Variants in TMPRSS3 observed in about 807,000 individuals in gnomAD.
TMPRSS3 encodes the protein transmembrane protease serine 3.
In TMPRSS3, 55 loss-of-function variants were observed where a neutral mutation model predicts 59.6. The ratio of observed to expected loss-of-function variants is 0.92; its 90% confidence interval spans 0.74 to 1.16. The LOEUF (loss-of-function observed/expected upper bound fraction) is 1.16, where lower values mean the gene tolerates loss of function less well. Among genes scored for constraint, TMPRSS3 ranks in the 50% most tolerant of loss-of-function variants. TMPRSS3 has a pLI of 0.00. For missense variants in TMPRSS3, 596 were observed against 579.4 expected (o/e 1.03, Z -0.29); for synonymous variants, 257 against 237.7 (o/e 1.08, Z -0.75).
chr21:42,373,618 G>C (rs2052371787), intron 12 of TMPRSS3, among the ~76,000 whole-genome samples: 1 of 152,222 alleles, frequency 6.6e-6, no homozygotes, highest in African/African-American at 2.4e-5. Flanking sequence ...CAAACATCCT[G>C]AGAGAGGCTT....
At chr21:42,381,954 A>G (rs747849504) in intron 9 of TMPRSS3, 111 bp downstream of exon 9, 15 of 1,363,862 alleles carry the variant, frequency 1.1e-5, no homozygotes, top group Non-Finnish European at 1.5e-5. Flanking sequence ...GGAATTATTA[A>G]TATCTGACAA....
chr21:42,388,992 C>G lies in TMPRSS3; in HGVS notation c.259G>C (p.Glu87Gln). The change falls in exon 4 of 13, where the codon GAG becomes CAG. Residue 87 changes from glutamate to glutamine, a missense_variant. By Grantham distance (29) the Glu-to-Gln change is conservative. Transcript: ENST00000644384. This position sits in a 1 kb window ranked among gnomAD's most constrained non-coding sequence, Gnocchi z 5.1. ...YRCRSSFKCIELIARCDGVSD... is the reference protein window; with the variant it reads ...YRCRSSFKCIQLIARCDGVSD... ...ACTCCGTCACATCGAGCTATCAGCTCGATACACTTAAAGGATGAGCGACAT... is the reference window on the plus strand; with the variant it reads ...ACTCCGTCACATCGAGCTATCAGCTGGATACACTTAAAGGATGAGCGACAT... 1.2e-6 allele frequency: 2 copies of G among 1,614,170 alleles called. No homozygotes were observed. Among genetic ancestry groups the G allele is most frequent in the Non-Finnish European group, 1.7e-6 (2 of 1,180,042 alleles).
At position 42,380,141 on chromosome 21, in the gene TMPRSS3, C is replaced by G. The variant is rs1436349589; in HGVS notation, c.1024G>C (p.Gly342Arg). 1 of 1,614,208 alleles carries G rather than the reference C, an allele frequency of 6.2e-7. No homozygotes were observed. Among genetic ancestry groups the G allele is most frequent in the Admixed American group, 1.7e-5 (1 of 60,022 alleles). ...CCTCCATCCTCTGTGGCCCCCCATC[C>G]TGACGTCCAGCACACTTTTCCATCG... ...FPDGKVCWTS[G>R]WGATEDGGDA... Residue 342 changes from glycine (G) to arginine (R), a missense_variant, in exon 10 of 13, where the codon GGA becomes CGA. Gly to Arg is a moderately radical substitution (Grantham distance 125, BLOSUM62 -2). Coordinates refer to ENST00000644384, the MANE Select transcript of TMPRSS3 (RefSeq NM_001256317.3).
At chr21:42,395,287 G>A (rs377110536) in intron 2 of TMPRSS3, 37 bp downstream of exon 2, 4 of 1,559,684 alleles carry the variant, frequency 2.6e-6, no homozygotes, top group Non-Finnish European at 3.5e-6. Context: ...TGAGGGTATG[G>A]GCAGAAATCA....
chr21:42,389,577 G>C (rs916852479), intron 3 of TMPRSS3, among the ~76,000 whole-genome samples: 3 of 152,238 alleles, frequency 2.0e-5, no homozygotes, highest in Admixed American at 6.5e-5. Flanking sequence ...AAAACAGCTG[G>C]TGCGCCTGCA....
At chr21:42,389,449 G>A (rs147676106) in intron 3 of TMPRSS3, among the ~76,000 whole-genome samples, 1 of 152,340 alleles carries the variant, frequency 6.6e-6, no homozygotes, top group Non-Finnish European at 1.5e-5. Flanking sequence ...CACACAGTGG[G>A]GCAGGTGGCG....
intron 5 of TMPRSS3, among the ~76,000 whole-genome samples, chr21:42,386,296 C>G (rs1181188063): frequency 2.7e-5 from 4 of 150,934 alleles, no homozygotes; most frequent in African/African-American, 9.9e-5. Flanking sequence ...CTTCAGCTTA[C>G]TGTAAATGCT....
chr21:42,376,784 G>A (rs1038745428), intron 10 of TMPRSS3, 101 bp from the exon 11 acceptor site: 15 of 1,560,472 alleles, frequency 9.6e-6, no homozygotes, highest in Admixed American at 1.7e-5. Context: ...CGAGGGACGA[G>A]GGGGATGCTC....
chr21:42,395,274 A>G, intron 2 of TMPRSS3, 50 bp downstream of exon 2: 1 of 1,498,006 alleles, frequency 6.7e-7, no homozygotes. Flanking sequence ...TTGGTCACCT[A>G]CATGAGGGTA....
At position 42,376,672 on chromosome 21, in the gene TMPRSS3, G is replaced by A; in HGVS notation, c.1060C>T (p.Pro354Ser). Reference sequence around the variant, plus strand: ...GGGACGGCCGCGTGGTTCAGGACAGGGGAGGCGTCACCTGCTTCAAAGTGA... The same window carrying A: ...GGGACGGCCGCGTGGTTCAGGACAGAGGAGGCGTCACCTGCTTCAAAGTGA... Reference protein sequence around the residue: ...GATEDGGDASPVLNHAAVPLI... With the variant: ...GATEDGGDASSVLNHAAVPLI... The change falls in exon 11 of 13, where the codon CCT (proline) becomes TCT (serine). Residue 354 changes from proline (P) to serine (S), a missense_variant. By Grantham distance (74) the Pro-to-Ser change is moderately conservative (BLOSUM62 -1). Transcript: ENST00000644384. The A allele has an allele frequency of 1.2e-6, 2 of 1,614,100 alleles. No individual in the cohort carries two copies. Among genetic ancestry groups the A allele is most frequent in the East Asian group, 2.2e-5 (1 of 44,886 alleles).
rs577160419 is a variant in TMPRSS3 at position 42,376,703 on chromosome 21, G to C, written c.1049-20C>G. 9.7e-5 allele frequency: 157 copies of C among 1,613,772 alleles called. 4 individuals are homozygous for C. The South Asian group carries it at 1.6e-3, about 17-fold the overall frequency. On this transcript the variant is annotated intron_variant, in intron 10 of 12. Transcript: ENST00000644384. ...CGTCACCTGCTTCAAAGTGAGTGAG[G>C]GGATGTGTGTGAGAAGGAAGCCCGG...
Position 42,385,390 on chromosome 21 carries a change from G to A in TMPRSS3, c.572+19C>T, listed in dbSNP as rs1179779907. 1 of 1,613,496 alleles carries A rather than the reference G, an allele frequency of 6.2e-7. No homozygotes were observed. The highest frequency in any genetic ancestry group is 8.5e-7 in the Non-Finnish European group (1 of 1,179,808). On this transcript the variant is annotated intron_variant, in intron 6 of 12. Coordinates refer to ENST00000644384, the MANE Select transcript of TMPRSS3 (RefSeq NM_001256317.3). ...TGACTCGATACCTGTGCAGACAACA[G>A]CATCGCCTGACCACCTACCTCACAT...
chr21:42,395,963 T>G lies in TMPRSS3; in HGVS notation c.-73A>C. ...TCACATAATTCCCGAGTCCCAAAAA[T>G]GTAGATGGCACCACGGAAGAGATAG... On this transcript the variant is annotated 5_prime_UTR_variant, in exon 1 of 13. Transcript: ENST00000644384. 1 of 518,998 alleles carries G rather than the reference T, an allele frequency of 1.9e-6. No homozygotes were observed. The highest frequency in any genetic ancestry group is 3.8e-6 in the Non-Finnish European group (1 of 259,882). 32.1% of individuals were successfully genotyped at this position (518,998 alleles called of 1,614,324 possible). A position where few individuals can be genotyped will look rare whatever the true frequency, so the allele number is the denominator to read the frequency against.
rs2052539316 is a variant in TMPRSS3, at chr21:42,382,056, C to A, written c.952+9G>T. 6 of 1,614,194 alleles carry A rather than the reference C, an allele frequency of 3.7e-6. No individual in the cohort carries two copies. The East Asian group carries it at 1.3e-4, about 36-fold the overall frequency. Reference sequence around the variant, plus strand: ...AGAGCTGCAGAACCACATAGAGACCCAGATGTACCATTGAACGTGAGTGGC... The same window carrying A: ...AGAGCTGCAGAACCACATAGAGACCAAGATGTACCATTGAACGTGAGTGGC... On this transcript the variant is annotated intron_variant, in intron 9 of 12. Transcript: ENST00000644384.
rs2052682131 is a variant in TMPRSS3 at position 42,388,847 on chromosome 21, G to A, written c.322+82C>T. 6 of 1,244,546 alleles carry A rather than the reference G, an allele frequency of 4.8e-6. No homozygotes were observed. The East Asian group carries it at 1.2e-4, about 24-fold the overall frequency. 77.1% of individuals were successfully genotyped at this position (1,244,546 alleles called of 1,614,324 possible). On this transcript the variant is annotated intron_variant, in intron 4 of 12. Coordinates refer to ENST00000644384, the MANE Select transcript of TMPRSS3 (RefSeq NM_001256317.3). The surrounding 1 kb of genome is among the most constrained non-coding windows in gnomAD (Gnocchi z 5.1). Reference sequence around the variant, plus strand: ...ATGACCTAAAAATGGCAATGACTTGGACCCATTTTACAGATGGGAAGGGTC... The same window carrying A: ...ATGACCTAAAAATGGCAATGACTTGAACCCATTTTACAGATGGGAAGGGTC...
chr21:42,381,253 G>A (rs141378673), intron 9 of TMPRSS3, among the ~76,000 whole-genome samples: 42 of 152,262 alleles, frequency 2.8e-4, no homozygotes, highest in Non-Finnish European at 4.3e-4. Context: ...TGGCATTTTC[G>A]TAATGTCCAG....
intron 11 of TMPRSS3, 60 bp from the exon 12 acceptor site, chr21:42,375,928 C>T: frequency 1.2e-6 from 2 of 1,604,500 alleles, no homozygotes; most frequent in Non-Finnish European, 1.7e-6. Flanking sequence ...AGATTGCTTT[C>T]TGTGGACAGT....
chr21:42,376,687 C>T lies in TMPRSS3; in HGVS notation c.1049-4G>A, dbSNP rs1016968797. ...TTCAGGACAGGGGAGGCGTCACCTG[C>T]TTCAAAGTGAGTGAGGGGATGTGTG... On this transcript the variant is annotated splice_region_variant and splice_polypyrimidine_tract_variant and intron_variant, in intron 10 of 12. Transcript: ENST00000644384. 11 of 1,613,828 alleles carry T rather than the reference C, an allele frequency of 6.8e-6. No individual in the cohort carries two copies. In the Admixed American group the frequency reaches 1.5e-4, roughly 22 times the overall value.
At chr21:42,374,606 G>A (rs2052389044) in intron 12 of TMPRSS3, among the ~76,000 whole-genome samples, 1 of 152,196 alleles carries the variant, frequency 6.6e-6, no homozygotes, top group Non-Finnish European at 1.5e-5. Flanking sequence ...GTAACTGCGT[G>A]CTTCTAGGGT....
Sources: gnomAD v4.1 joint callset for allele counts (sites outside exome capture counted in the v4.1 genomes callset) on GRCh38, gnomAD v4.1.1 for gene constraint, Gnocchi (gnomAD v3.1) non-coding constraint, MANE v1.5 for transcripts, NCBI Gene and HGNC (gene_info 2026-07-23, HGNC 2026-07-21) for gene names.